The following FHIT variants were observed in gnomAD, a reference collection of about 807,000 sequenced individuals.
The protein encoded by FHIT is bis(5'-adenosyl)-triphosphatase.
Under a neutral mutation model 17.9 loss-of-function variants are expected in FHIT, and 19 were observed. The observed-to-expected ratio is 1.06, with a 90% CI of 0.74 to 1.56. The LOEUF is 1.56. Among genes scored for constraint, FHIT ranks in the 40% most tolerant of loss-of-function variants. The pLI is 0.00. For synonymous variants in FHIT, 81 were observed against 69.7 expected, an observed-to-expected ratio of 1.16 and a Z score of -0.81; for missense variants, 248 against 189.2, an observed-to-expected ratio of 1.31 and a Z score of -1.82.
At chr3:60,070,377 C>A (rs1472953215) in intron 5 of FHIT, among the ~76,000 whole-genome samples, 1 of 152,208 alleles carries the variant, frequency 6.6e-6, no homozygotes, top group African/African-American at 2.4e-5. Flanking sequence ...CCTTTATCTA[C>A]TGGTTCTTTC....
At chr3:60,121,965 T>C (rs1185362517) in intron 5 of FHIT, among the ~76,000 whole-genome samples, 1 of 152,194 alleles carries the variant, frequency 6.6e-6, no homozygotes, top group African/African-American at 2.4e-5. Flanking sequence ...AAACCAAGGA[T>C]AATTTATCAG....
At chr3:60,791,739 C>T (rs1471614869) in intron 4 of FHIT, among the ~76,000 whole-genome samples, 3 of 152,170 alleles carry the variant, frequency 2.0e-5, no homozygotes, top group African/African-American at 7.2e-5. Flanking sequence ...AACAAATTGT[C>T]AACTCTGAAT....
chr3:60,110,002 G>A (rs752759383), intron 5 of FHIT, among the ~76,000 whole-genome samples: 7 of 152,028 alleles, frequency 4.6e-5, no homozygotes, highest in East Asian at 3.9e-4. Context: ...TTTTCTTTTC[G>A]AGACCTCGAT....
chr3:59,864,369 C>T (rs79669698), intron 8 of FHIT, among the ~76,000 whole-genome samples: 1 of 152,130 alleles, frequency 6.6e-6, no homozygotes, highest in East Asian at 1.9e-4. Context: ...TTTTCTCTTG[C>T]TGCCACCATG....
chr3:60,906,585 A>G lies in FHIT; in HGVS notation c.-110-84574T>C, dbSNP rs1033415398. Among the ~76,000 whole-genome samples the G allele has an allele frequency of 1.4e-4, 22 of 152,284 alleles. 1 individual carries two copies. Among genetic ancestry groups the G allele is most frequent in the Admixed American group, 7.2e-4 (11 of 15,294 alleles). Reference sequence around the variant, plus strand: ...GTAGGGAAAATGTAAGGTAAGGTTGATACATCTTTTTTTACTCCAGGACAT... The same window carrying G: ...GTAGGGAAAATGTAAGGTAAGGTTGGTACATCTTTTTTTACTCCAGGACAT... On this transcript the variant is annotated intron_variant, in intron 3 of 9. Coordinates refer to ENST00000492590, the MANE Select transcript of FHIT (RefSeq NM_002012.4).
chr3:59,829,355 T>A (rs1419247570), intron 8 of FHIT, among the ~76,000 whole-genome samples: 6 of 152,224 alleles, frequency 3.9e-5, no homozygotes, highest in Non-Finnish European at 8.8e-5. Flanking sequence ...AGCGCCTCAG[T>A]GTTCATGGGC....
chr3:60,469,441 T>C (rs930370236), intron 5 of FHIT, among the ~76,000 whole-genome samples: 3 of 152,204 alleles, frequency 2.0e-5, no homozygotes, highest in Admixed American at 2.0e-4. Context: ...ATTAACAGAC[T>C]CTGATGCATT....
At chr3:60,426,986 T>G (rs1437975692) in intron 5 of FHIT, among the ~76,000 whole-genome samples, 1 of 151,960 alleles carries the variant, frequency 6.6e-6, no homozygotes, top group East Asian at 1.9e-4. Flanking sequence ...ACAACAAAGG[T>G]AAGGGGATTT....
At chr3:60,122,592 C>G (rs929388103) in intron 5 of FHIT, among the ~76,000 whole-genome samples, 2 of 152,086 alleles carry the variant, frequency 1.3e-5, no homozygotes, top group Non-Finnish European at 2.9e-5. Flanking sequence ...AAAAGCAGCC[C>G]CTCCTGAAAA....
chr3:61,095,179 C>T (rs1002290459), intron 2 of FHIT, among the ~76,000 whole-genome samples: 6 of 152,128 alleles, frequency 3.9e-5, no homozygotes, highest in African/African-American at 1.2e-4. Flanking sequence ...CTAGTTCAGC[C>T]AGAGGATCCA....
intron 4 of FHIT, among the ~76,000 whole-genome samples, chr3:60,763,944 CA>C (rs1276947678): frequency 6.6e-6 from 1 of 152,162 alleles, no homozygotes; most frequent in African/African-American, 2.4e-5. Context: ...ACTGCCCATA[CA>C]TCCATGGTCT....
intron 5 of FHIT, among the ~76,000 whole-genome samples, chr3:60,490,597 G>A (rs1485377766): frequency 6.6e-6 from 1 of 151,298 alleles, no homozygotes; most frequent in Non-Finnish European, 1.5e-5. Flanking sequence ...GGAAATTCAG[G>A]GGATAAACTA....
At chr3:60,129,513 A>ATGTT (rs1222866979) in intron 5 of FHIT, among the ~76,000 whole-genome samples, 1 of 152,158 alleles carries the variant, frequency 6.6e-6, no homozygotes. Flanking sequence ...ACTTTCCTAG[A>ATGTT]CTACATGTTG....
intron 4 of FHIT, among the ~76,000 whole-genome samples, chr3:60,662,745 C>T (rs1469813504): frequency 3.3e-5 from 5 of 151,986 alleles, no homozygotes; most frequent in African/African-American, 9.7e-5. Flanking sequence ...TTGTAGTTTT[C>T]CTTGTAGTGG....
chr3:61,043,390 T>G (rs1026391301), intron 2 of FHIT, among the ~76,000 whole-genome samples: 1 of 152,160 alleles, frequency 6.6e-6, no homozygotes, highest in Non-Finnish European at 1.5e-5. Context: ...CACAGCAGTC[T>G]GAGATCGAAC....
chr3:61,060,974 A>G (rs1305251205), intron 2 of FHIT, among the ~76,000 whole-genome samples: 1 of 152,228 alleles, frequency 6.6e-6, no homozygotes, highest in Non-Finnish European at 1.5e-5. Flanking sequence ...TGATTCATTT[A>G]TAGTAGCTTC....
chr3:60,321,428 A>G (rs1709427855), intron 5 of FHIT, among the ~76,000 whole-genome samples: 1 of 152,178 alleles, frequency 6.6e-6, no homozygotes, highest in South Asian at 2.1e-4. Flanking sequence ...GAGAGCCACA[A>G]CTGCACCACT....
intron 5 of FHIT, among the ~76,000 whole-genome samples, chr3:60,224,217 A>T (rs1191057552): frequency 1.3e-5 from 2 of 152,126 alleles, no homozygotes; most frequent in African/African-American, 4.8e-5. Flanking sequence ...GACAGCACTG[A>T]GGTTCACAGA....
chr3:60,642,441 G>A (rs78351934), intron 4 of FHIT, among the ~76,000 whole-genome samples: 3 of 152,218 alleles, frequency 2.0e-5, no homozygotes, highest in East Asian at 3.9e-4. Context: ...TTCACAAGAG[G>A]CCCAAAGACA....
Sources: gnomAD v4.1 joint callset for allele counts (sites outside exome capture counted in the v4.1 genomes callset) on GRCh38, gnomAD v4.1.1 for gene constraint, MANE v1.5 for transcripts, NCBI Gene and HGNC (gene_info 2026-07-23, HGNC 2026-07-21) for gene names.